Variants in WDR1 observed in about 807,000 individuals in gnomAD.
WDR1 encodes WD repeat-containing protein 1.
In WDR1, 21 loss-of-function variants were observed where a neutral mutation model predicts 71.9. The observed-to-expected ratio is 0.29, with a 90% confidence interval of 0.21 to 0.42. WDR1 has a LOEUF of 0.42. WDR1 is among the 10% of genes least tolerant of loss of function. The probability of loss-of-function intolerance (pLI) is 1.00; values close to 1 mark genes in which losing one functional copy is unlikely to be tolerated. For synonymous variants in WDR1, 424 were observed against 347.4 expected (o/e 1.22, Z -2.45); for missense variants, 696 against 824.5 (o/e 0.84, Z 1.91).
At position 10,090,739 on chromosome 4, in the gene WDR1, C is replaced by A. The variant is rs185076494; in HGVS notation, c.559-1998G>T. 3.8e-4 allele frequency among the ~76,000 whole-genome samples: 58 copies of A among 152,334 alleles called. 1 individual carries two copies. In the East Asian group the frequency reaches 0.011, roughly 28 times the overall value. ...CCCACCTCATTGACCCGTGTTTTAA[C>A]TTAGATGAAAGCCGGAGAAATCACA... On this transcript the variant is annotated intron_variant, in intron 5 of 14. Coordinates refer to ENST00000499869, the MANE Select transcript of WDR1 (RefSeq NM_017491.5).
chr4:10,100,229 G>A (rs1405464434), intron 3 of WDR1, among the ~76,000 whole-genome samples: 1 of 152,242 alleles, frequency 6.6e-6, no homozygotes, highest in Non-Finnish European at 1.5e-5. Context: ...CAGCAGCTAA[G>A]AGCCAGGCCT....
chr4:10,079,040 C>A (rs560298008), intron 11 of WDR1, 39 bp from the exon 12 acceptor site: 4 of 1,529,602 alleles, frequency 2.6e-6, no homozygotes, highest in Non-Finnish European at 3.6e-6. Flanking sequence ...CGGTCCAGCC[C>A]TTCGGGACAA....
At position 10,093,110 on chromosome 4, in the gene WDR1, G is replaced by C. The variant is rs1338397272; in HGVS notation, c.559-4369C>G. ...GTACCACACCCATGTCAACATCACA[G>C]AGCGACAGAGCGCTGCAGGCCCCAG... On this transcript the variant is annotated intron_variant, in intron 5 of 14. Coordinates refer to ENST00000499869, the MANE Select transcript of WDR1 (RefSeq NM_017491.5). The C allele has an allele frequency of 2.3e-6, 3 of 1,289,380 alleles. No individual in the cohort carries two copies. In the South Asian group the frequency reaches 3.7e-5, roughly 16 times the overall value. The allele number at this position is 1,289,380 out of a possible 1,614,324, so 79.9% of individuals were successfully genotyped here. A position where few individuals can be genotyped will look rare whatever the true frequency, so the allele number is the denominator to read the frequency against.
Position 10,077,771 on chromosome 4 carries a change from G to C in WDR1, c.1551C>G (p.Ser517Arg). The C allele has an allele frequency of 6.3e-7, 1 of 1,598,264 alleles. No homozygotes were observed. The highest frequency in any genetic ancestry group is 2.3e-5 in the East Asian group (1 of 44,074). The change falls in exon 13 of 15, where the codon AGC becomes AGG. Residue 517 changes from serine to arginine, a missense_variant. Ser to Arg is a moderately radical substitution (Grantham distance 110). Transcript: ENST00000499869. Reference sequence around the variant, plus strand: ...CACTCACCGAGTAGCCGTCAGCAACGCTGAACACTGTGACCACCTTGCTGG... The same window carrying C: ...CACTCACCGAGTAGCCGTCAGCAACCCTGAACACTGTGACCACCTTGCTGG... ...CDASKVVTVF[S>R]VADGYSENNV...
chr4:10,113,671 G>A (rs1435282258), intron 2 of WDR1, among the ~76,000 whole-genome samples: 1 of 152,270 alleles, frequency 6.6e-6, no homozygotes, highest in Non-Finnish European at 1.5e-5. Flanking sequence ...AATAAGTCAG[G>A]TGGGGGAAGA....
intron 2 of WDR1, among the ~76,000 whole-genome samples, chr4:10,105,997 G>A (rs1262773541): frequency 4.6e-5 from 7 of 151,942 alleles, no homozygotes; most frequent in Non-Finnish European, 1.0e-4. Context: ...AAGTGAAAAA[G>A]CCAGACAGAA....
chr4:10,092,250 C>T (rs980919237), intron 5 of WDR1: 1 of 152,250 alleles, frequency 6.6e-6, no homozygotes, highest in Admixed American at 6.5e-5. Context: ...GCCCGAATCA[C>T]CCAAGCCCAG....
intron 2 of WDR1, among the ~76,000 whole-genome samples, chr4:10,109,869 A>C (rs1713244321): frequency 6.6e-6 from 1 of 152,190 alleles, no homozygotes. Flanking sequence ...GGCAGTCATG[A>C]AGACAAGAGC....
Position 10,075,214 on chromosome 4 carries a change from T to G in WDR1, c.*164A>C. On this transcript the variant is annotated 3_prime_UTR_variant, in exon 15 of 15. Coordinates refer to ENST00000499869, the MANE Select transcript of WDR1 (RefSeq NM_017491.5). ...ACTGTCTAAAGCTTTCAGAAGAACG[T>G]GTACAGACACCCTGCAGAGACGAGG... The G allele has an allele frequency of 1.6e-6, 1 of 613,604 alleles. No homozygotes were observed. Among genetic ancestry groups the G allele is most frequent in the Non-Finnish European group, 2.9e-6 (1 of 343,766 alleles). 38.0% of individuals were successfully genotyped at this position (613,604 alleles called of 1,614,324 possible).
At position 10,078,966 on chromosome 4, in the gene WDR1, G is replaced by A; in HGVS notation, c.1320C>T (p.Ser440=). The change falls in exon 12 of 15, where the codon AGC becomes AGT. Residue 440 remains serine (S), a synonymous_variant. Coordinates refer to ENST00000499869, the MANE Select transcript of WDR1 (RefSeq NM_017491.5). ...VLLKDQRKCF[S]IDNPGYEPEV... Reference sequence around the variant, plus strand: ...CGGGCTCGTAGCCGGGGTTGTCGATGCTGAAGCACTTCCTCTGATCCTTCA... The same window carrying A: ...CGGGCTCGTAGCCGGGGTTGTCGATACTGAAGCACTTCCTCTGATCCTTCA... The A allele has an allele frequency of 6.2e-7, 1 of 1,612,162 alleles. No homozygotes were observed. The highest frequency in any genetic ancestry group is 1.3e-5 in the African/African-American group (1 of 75,014).
At chr4:10,089,195 G>C (rs191120936) in intron 5 of WDR1, among the ~76,000 whole-genome samples, 27 of 152,276 alleles carry the variant, frequency 1.8e-4, no homozygotes, top group African/African-American at 6.3e-4. Flanking sequence ...TACAAGCTCC[G>C]CCTCCCGGGT....
At position 10,077,502 on chromosome 4, in the gene WDR1, G is replaced by C. The variant is rs1764842600; in HGVS notation, c.1570-54C>G. On this transcript the variant is annotated intron_variant, in intron 13 of 14. Transcript: ENST00000499869. Reference sequence around the variant, plus strand: ...GGCAGGTCAGGTTCAGGCCGCAGTTGCCCATATCACCTCGCTTATCCCTCA... The same window carrying C: ...GGCAGGTCAGGTTCAGGCCGCAGTTCCCCATATCACCTCGCTTATCCCTCA... 2.5e-6 allele frequency: 4 copies of C among 1,611,252 alleles called. No homozygotes were observed. The Admixed American group carries it at 5.0e-5, about 20-fold the overall frequency.
At position 10,082,818 on chromosome 4, in the gene WDR1, G is replaced by A. The variant is rs141822969; in HGVS notation, c.1196+204C>T. Among the ~76,000 whole-genome samples the A allele has an allele frequency of 8.6e-4, 131 of 152,324 alleles. No homozygotes were observed. The East Asian group carries it at 0.019, about 22-fold the overall frequency. ...GTCCACACCTGGTCGTTGTCTGTGG[G>A]CAAGAGCATTACCCAGACCACCTGG... On this transcript the variant is annotated intron_variant, in intron 10 of 14. Transcript: ENST00000499869.
chr4:10,084,371 G>T, intron 9 of WDR1, 72 bp downstream of exon 9: 1 of 1,443,718 alleles, frequency 6.9e-7, no homozygotes, highest in Non-Finnish European at 9.6e-7. Context: ...CCTGGCCTCT[G>T]GCATCATGGG....
At chr4:10,078,691 G>C (rs1764891080) in intron 12 of WDR1, 200 bp downstream of exon 12, 1 of 531,160 alleles carries the variant, frequency 1.9e-6, no homozygotes, top group Non-Finnish European at 3.3e-6. Flanking sequence ...TGCCGAGGAG[G>C]GGAGGGGAAG....
At chr4:10,108,855 A>C (rs541416474) in intron 2 of WDR1, among the ~76,000 whole-genome samples, 1 of 151,820 alleles carries the variant, frequency 6.6e-6, no homozygotes, top group East Asian at 1.9e-4. Context: ...CTGAACCCCC[A>C]CCTTCCCTGA....
chr4:10,081,653 C>T (rs953845641), intron 10 of WDR1, among the ~76,000 whole-genome samples: 13 of 22,280 alleles, frequency 5.8e-4, no homozygotes, highest in Non-Finnish European at 8.6e-4. Flanking sequence ...AATGGGGGCC[C>T]GGGGAGGGGT....
At position 10,077,755 on chromosome 4, in the gene WDR1, A is replaced by G. The variant is rs965380355; in HGVS notation, c.1567T>C (p.Ser523Pro). 1.3e-6 allele frequency: 2 copies of G among 1,582,508 alleles called. No individual in the cohort carries two copies. Among genetic ancestry groups the G allele is most frequent in the African/African-American group, 2.7e-5 (2 of 74,264 alleles). Residue 523 changes from serine (S) to proline (P), a missense_variant and splice_region_variant, in exon 13 of 15, where the codon TCG becomes CCG. Physicochemically the swap from Ser to Pro is moderately conservative, Grantham distance 74. Coordinates refer to ENST00000499869, the MANE Select transcript of WDR1 (RefSeq NM_017491.5). The stretch of plus-strand genomic sequence containing the variant: ...AGGAGGAGCCCGCCGCCACTCACCG[A>G]GTAGCCGTCAGCAACGCTGAACACT... ...VTVFSVADGYSENNVFYGHHA... is the reference protein window; with the variant it reads ...VTVFSVADGYPENNVFYGHHA...
intron 2 of WDR1, among the ~76,000 whole-genome samples, chr4:10,109,098 C>G (rs1445198845): frequency 6.6e-6 from 1 of 152,240 alleles, no homozygotes; most frequent in Non-Finnish European, 1.5e-5. Context: ...CCTGGGTGGG[C>G]CCCTCAGTGG....
Sources: allele counts gnomAD v4.1 joint callset (sites outside exome capture counted in the v4.1 genomes callset), GRCh38; gene constraint gnomAD v4.1.1; transcripts MANE v1.5; gene names NCBI Gene and HGNC (gene_info 2026-07-23, HGNC 2026-07-21).